KCNE3: variants seen among roughly 807,000 people sequenced by gnomAD.
The protein encoded by KCNE3 is potassium voltage-gated channel subfamily E regulatory subunit 3, also known as potassium voltage-gated channel subfamily E member 3.
In KCNE3, 2 loss-of-function variants were observed where a neutral mutation model predicts 4.3. The observed-to-expected ratio is 0.47, with a 90% confidence interval of 0.19 to 1.48. The LOEUF is 1.48. Ranked by LOEUF, KCNE3 falls within the 40% of genes most tolerant of loss-of-function variation. The pLI, the probability that KCNE3 is intolerant of heterozygous loss-of-function variation, is 0.25. For missense variants in KCNE3, 128 were observed against 136.8 expected (o/e 0.94, Z 0.32); for synonymous variants, 47 against 52.0 (o/e 0.90, Z 0.41).
intron 2 of KCNE3, among the ~76,000 whole-genome samples, chr11:74,458,188 ATAAG>A (rs1392501621): frequency 2.6e-5 from 4 of 152,250 alleles, no homozygotes; most frequent in Admixed American, 6.5e-5. Context: ...ACAGCATTCA[ATAAG>A]TAAGTACTCA....
chr11:74,462,909 A>G (rs1863985842), intron 1 of KCNE3: 1 of 152,260 alleles, frequency 6.6e-6, no homozygotes, highest in Non-Finnish European at 1.5e-5. Flanking sequence ...GATACGAATC[A>G]TGAAACCATG....
At chr11:74,460,920 G>A (rs11236115) in intron 2 of KCNE3, among the ~76,000 whole-genome samples, 10,806 of 152,208 alleles carry the variant, frequency 0.071, 550 homozygotes, top group Middle Eastern at 0.11. Context: ...AAGATGCTGA[G>A]TCATGAATTG....
At chr11:74,463,606 G>C (rs1046378960) in intron 1 of KCNE3, among the ~76,000 whole-genome samples, 4 of 152,140 alleles carry the variant, frequency 2.6e-5, no homozygotes, top group African/African-American at 9.7e-5. Context: ...CCTTGAAATA[G>C]AAGATAGGCC....
In KCNE3 at chr11:74,457,438, C is replaced by T. The variant is rs752253389; in HGVS notation, c.126G>A (p.Gln42=). The T allele has an allele frequency of 1.1e-5, 18 of 1,613,832 alleles. No individual in the cohort carries two copies. Among genetic ancestry groups the T allele is most frequent in the Non-Finnish European group, 1.4e-5 (16 of 1,179,818 alleles). Residue 42 remains glutamine (Q), a synonymous_variant, in exon 3 of 3, where the codon CAG becomes CAA. Transcript: ENST00000310128. ...RPGPGLGPDN[Q]TEERRASLPG... is the part of the protein sequence containing the mutation. ...GTAGGCTGGCCCGCCTCTCTTCAGTCTGGTTGTCTGGCCCCAGCCCTGGCC... is the reference window on the plus strand; with the variant it reads ...GTAGGCTGGCCCGCCTCTCTTCAGTTTGGTTGTCTGGCCCCAGCCCTGGCC...
chr11:74,463,745 A>C (rs1864003720), intron 1 of KCNE3, among the ~76,000 whole-genome samples: 2 of 152,200 alleles, frequency 1.3e-5, no homozygotes, highest in Admixed American at 1.3e-4. Context: ...AGAAGTGACT[A>C]GTCCAAAATG....
At chr11:74,461,488 G>A (rs188177161) in intron 2 of KCNE3, among the ~76,000 whole-genome samples, 9 of 151,830 alleles carry the variant, frequency 5.9e-5, no homozygotes, top group South Asian at 2.1e-4. Flanking sequence ...AAAATTAGCC[G>A]GGTACACGCC....
intron 2 of KCNE3, among the ~76,000 whole-genome samples, chr11:74,460,277 T>C (rs1863922235): frequency 6.6e-6 from 1 of 152,218 alleles, no homozygotes; most frequent in Non-Finnish European, 1.5e-5. Context: ...AAGAACTCTG[T>C]GGCTGCTGCT....
intron 1 of KCNE3, among the ~76,000 whole-genome samples, chr11:74,466,314 G>C (rs995413183): frequency 4.6e-5 from 7 of 152,320 alleles, no homozygotes; most frequent in Middle Eastern, 3.4e-3. Flanking sequence ...GCTTTGAGAC[G>C]TATAGACTGA....
In KCNE3 at chr11:74,459,407, G is replaced by A. The variant is rs375237064; in HGVS notation, c.-40-1804C>T. ...CTCCCCAGTAGCTGGGACTACAGGC[G>A]CCCGCCATCACGCCAGGCTAATTTT... On this transcript the variant is annotated intron_variant, in intron 2 of 2. Transcript: ENST00000310128. Among the ~76,000 whole-genome samples, 20 of 151,864 alleles carry A rather than the reference G, an allele frequency of 1.3e-4. No individual in the cohort carries two copies. In the South Asian group the frequency reaches 1.7e-3, roughly 13 times the overall value.
intron 1 of KCNE3, among the ~76,000 whole-genome samples, chr11:74,466,727 T>C (rs1032496345): frequency 1.4e-4 from 21 of 152,088 alleles, no homozygotes; most frequent in African/African-American, 4.8e-4. Flanking sequence ...TCCCATGGGG[T>C]ATGCAGGCAA....
At chr11:74,463,919 C>T (rs10898993) in intron 1 of KCNE3, among the ~76,000 whole-genome samples, 61,269 of 151,968 alleles carry the variant, frequency 0.4, 12,501 homozygotes, top group South Asian at 0.47. Context: ...CTAACTTCGT[C>T]ACTATGGCCT....
In KCNE3 at chr11:74,457,497, C is replaced by G. The variant is rs759641427; in HGVS notation, c.67G>C (p.Ala23Pro). The change falls in exon 3 of 3, where the codon GCC (alanine) becomes CCC (proline). Residue 23 changes from alanine (A) to proline (P), a missense_variant. By Grantham distance (27) the Ala-to-Pro change is conservative (BLOSUM62 -1). Transcript: ENST00000310128. ...CAGAGCAAATTGCTGTGAAGAGTGG[C>G]ATTTAGAGCCTTCAGCACGGCATGC... ...SLHAVLKALNATLHSNLLCRP... is the reference protein window; with the variant it reads ...SLHAVLKALNPTLHSNLLCRP... The G allele has an allele frequency of 2.3e-5, 37 of 1,614,060 alleles. No homozygotes were observed. Among genetic ancestry groups the G allele is most frequent in the Non-Finnish European group, 3.1e-5 (36 of 1,180,044 alleles).
rs1863872732 is a variant in KCNE3, at chr11:74,458,381, C to G, written c.-40-778G>C. Reference sequence around the variant, plus strand: ...GCCTTGAGAGAATAAGTGGCTTGTCCATGATCACAGAATATTGGAAGTAGA... The same window carrying G: ...GCCTTGAGAGAATAAGTGGCTTGTCGATGATCACAGAATATTGGAAGTAGA... On this transcript the variant is annotated intron_variant, in intron 2 of 2. Transcript: ENST00000310128. Among the ~76,000 whole-genome samples the G allele has an allele frequency of 2.0e-5, 3 of 152,192 alleles. No individual in the cohort carries two copies. In the East Asian group the frequency reaches 5.8e-4, roughly 29 times the overall value.
In KCNE3 at chr11:74,467,040, G is replaced by A. The variant is rs893994663; in HGVS notation, c.-190+358C>T. Among the ~76,000 whole-genome samples the A allele has an allele frequency of 4.6e-5, 7 of 152,200 alleles. No individual in the cohort carries two copies. The highest frequency in any genetic ancestry group is 1.7e-4 in the African/African-American group (7 of 41,448). On this transcript the variant is annotated intron_variant, in intron 1 of 2. Coordinates refer to ENST00000310128, the MANE Select transcript of KCNE3 (RefSeq NM_005472.5). This position sits in a 1 kb window ranked among gnomAD's most constrained non-coding sequence, Gnocchi z 4.4. The stretch of plus-strand genomic sequence containing the variant: ...CTGGGTCCTGAAATGTCGTTTCTGC[G>A]TGTGCACTGGCTGCCAGCTGCAAGT...
At chr11:74,458,881 T>A (rs1403139111) in intron 2 of KCNE3, among the ~76,000 whole-genome samples, 1 of 151,474 alleles carries the variant, frequency 6.6e-6, no homozygotes, top group African/African-American at 2.4e-5. Flanking sequence ...GGAAGACACC[T>A]GGGGATGGTT....
Position 74,457,017 on chromosome 11 carries a change from C to A in KCNE3, c.*235G>T. The A allele has an allele frequency of 1.7e-6, 1 of 574,706 alleles. No individual in the cohort carries two copies. The highest frequency in any genetic ancestry group is 2.1e-5 in the South Asian group (1 of 48,308). 35.6% of individuals were successfully genotyped at this position (574,706 alleles called of 1,614,324 possible). A position where few individuals can be genotyped will look rare whatever the true frequency, so the allele number is the denominator to read the frequency against. On this transcript the variant is annotated 3_prime_UTR_variant, in exon 3 of 3. Transcript: ENST00000310128. ...CTGTTGCTACTTTTATATGTTTGTT[C>A]ATGGGCTCCCACTGTTTATAAAGTC...
intron 2 of KCNE3, among the ~76,000 whole-genome samples, chr11:74,458,977 A>G (rs1003479960): frequency 1.3e-5 from 2 of 152,142 alleles, no homozygotes; most frequent in Non-Finnish European, 2.9e-5. Context: ...ATTCCTAGCT[A>G]TTTGTAGAAA....
chr11:74,456,919 T>C lies in KCNE3; in HGVS notation c.*333A>G, dbSNP rs1863829509. ...ATCTTCCTGTCTCATTTCCCTCTGC[T>C]ACAACTTCTTCTCCGTTCTCCAATC... On this transcript the variant is annotated 3_prime_UTR_variant, in exon 3 of 3. Coordinates refer to ENST00000310128, the MANE Select transcript of KCNE3 (RefSeq NM_005472.5). The C allele has an allele frequency of 2.8e-6, 1 of 356,510 alleles. No individual in the cohort carries two copies. Among genetic ancestry groups the C allele is most frequent in the African/African-American group, 2.1e-5 (1 of 47,786 alleles). The allele number at this position is 356,510 out of a possible 1,614,324, so 22.1% of individuals were successfully genotyped here.
chr11:74,461,377 TC>T (rs1863950262), intron 2 of KCNE3, among the ~76,000 whole-genome samples: 2 of 151,906 alleles, frequency 1.3e-5, no homozygotes, highest in South Asian at 4.1e-4. Context: ...ACTCCTTTAA[TC>T]CCGGTACTTT....
Sources: allele counts gnomAD v4.1 joint callset (sites outside exome capture counted in the v4.1 genomes callset), GRCh38; gene constraint gnomAD v4.1.1; non-coding constraint Gnocchi (gnomAD v3.1); transcripts MANE v1.5; gene names NCBI Gene and HGNC (gene_info 2026-07-23, HGNC 2026-07-21).